The following CALN1 variants were observed in gnomAD, a reference collection of about 807,000 sequenced individuals.
CALN1 encodes the protein calcium-binding protein 8.
Under a neutral mutation model 30.6 loss-of-function variants are expected in CALN1, and 17 were observed. The observed-to-expected ratio is 0.56, with a 90% confidence interval of 0.38 to 0.83. The LOEUF is 0.83. CALN1 is among the 40% of genes least tolerant of loss of function. The pLI is 0.00. For missense variants in CALN1, 291 were observed against 354.9 expected (o/e 0.82, Z 1.45); for synonymous variants, 156 against 131.4 (o/e 1.19, Z -1.28).
intron 4 of CALN1, among the ~76,000 whole-genome samples, chr7:72,074,264 G>A (rs1209965591): frequency 6.6e-6 from 1 of 152,182 alleles, no homozygotes; most frequent in African/African-American, 2.4e-5. Flanking sequence ...TTGGACCCAT[G>A]AACGAAAATG....
chr7:72,422,866 C>T (rs1038422978), intron 1 of CALN1, among the ~76,000 whole-genome samples: 3 of 152,276 alleles, frequency 2.0e-5, no homozygotes, highest in Non-Finnish European at 4.4e-5. Context: ...CATCGGCTCA[C>T]GCCTGTAATC....
At chr7:71,837,500 C>A (rs1279539168) in intron 5 of CALN1, among the ~76,000 whole-genome samples, 1 of 152,130 alleles carries the variant, frequency 6.6e-6, no homozygotes, top group Non-Finnish European at 1.5e-5. Flanking sequence ...GGAGAGATAT[C>A]ACTGAGTTTT....
intron 4 of CALN1, among the ~76,000 whole-genome samples, chr7:72,063,335 C>G (rs922391875): frequency 2.0e-5 from 3 of 152,196 alleles, no homozygotes; most frequent in African/African-American, 7.2e-5. Flanking sequence ...CAAAGCCATA[C>G]AATAATCTTT....
intron 3 of CALN1, among the ~76,000 whole-genome samples, chr7:72,244,374 C>G (rs1795027878): frequency 6.6e-6 from 1 of 152,108 alleles, no homozygotes; most frequent in Admixed American, 6.6e-5. Flanking sequence ...TCCACAAATA[C>G]CATATTAAGT....
intron 5 of CALN1, among the ~76,000 whole-genome samples, chr7:71,973,881 G>A (rs1797973053): frequency 1.3e-5 from 2 of 152,150 alleles, no homozygotes; most frequent in Admixed American, 6.5e-5. Context: ...AATTATCAAT[G>A]TGTCTCAGAG....
intron 6 of CALN1, among the ~76,000 whole-genome samples, chr7:71,804,054 A>G (rs972453799): frequency 2.6e-5 from 4 of 152,126 alleles, no homozygotes; most frequent in African/African-American, 9.7e-5. Context: ...TTTCCCATCA[A>G]AAGTGCCACA....
intron 5 of CALN1, among the ~76,000 whole-genome samples, chr7:71,845,286 T>C (rs1020442225): frequency 4.6e-5 from 7 of 152,258 alleles, no homozygotes; most frequent in Non-Finnish European, 1.5e-5. Context: ...GGAACATCTA[T>C]ACTGACGAAT....
chr7:71,974,846 A>T (rs1016080453), intron 5 of CALN1, among the ~76,000 whole-genome samples: 3 of 152,148 alleles, frequency 2.0e-5, no homozygotes, highest in African/African-American at 7.2e-5. Context: ...GACTGGTGCA[A>T]TTCCGCTCGG....
intron 3 of CALN1, among the ~76,000 whole-genome samples, chr7:72,140,793 G>A (rs1809872433): frequency 6.6e-6 from 1 of 152,220 alleles, no homozygotes; most frequent in Non-Finnish European, 1.5e-5. Context: ...CAACTTCCAG[G>A]ACAGGAGAGA....
upstream of CALN1, among the ~76,000 whole-genome samples, chr7:72,415,002 A>C (rs1469689445): frequency 1.3e-5 from 2 of 152,220 alleles, no homozygotes; most frequent in African/African-American, 4.8e-5. Context: ...TTATAAGAGG[A>C]AGAGAGGGAT....
chr7:72,116,765 CT>C (rs991754547), intron 3 of CALN1, among the ~76,000 whole-genome samples: 1 of 152,164 alleles, frequency 6.6e-6, no homozygotes, highest in Non-Finnish European at 1.5e-5. Context: ...TACCACCCAG[CT>C]ATTGACCAAA....
intron 5 of CALN1, among the ~76,000 whole-genome samples, chr7:71,968,510 A>T (rs184898329): frequency 1.4e-3 from 209 of 151,554 alleles, no homozygotes; most frequent in African/African-American, 4.7e-3. Context: ...GGCTAACTGC[A>T]CCCTCCGCCT....
At chr7:71,994,795 G>C (rs1311083893) in intron 5 of CALN1, among the ~76,000 whole-genome samples, 3 of 151,892 alleles carry the variant, frequency 2.0e-5, no homozygotes, top group Non-Finnish European at 4.4e-5. Flanking sequence ...ACGAAAGATT[G>C]GTTGGACCAG....
At chr7:71,932,741 G>A (rs1156285269) in intron 5 of CALN1, among the ~76,000 whole-genome samples, 2 of 150,964 alleles carry the variant, frequency 1.3e-5, no homozygotes, top group East Asian at 2.0e-4. Context: ...GCATGAACCC[G>A]GGAGGCGGAG....
rs1792694040 is a variant in CALN1, at chr7:71,781,178, T to C, written c.*6597A>G. On this transcript the variant is annotated 3_prime_UTR_variant, in exon 7 of 7. Coordinates refer to ENST00000395275, the MANE Select transcript of CALN1 (RefSeq NM_031468.4). The stretch of plus-strand genomic sequence containing the variant: ...TTCAGACAAAATAGATGGGAGGGCT[T>C]GTCTGGTTTACTTTTCCTCTGGCTT... 6.6e-6 allele frequency: 1 copy of C among 152,216 alleles called. No individual in the cohort carries two copies. Among genetic ancestry groups the C allele is most frequent in the South Asian group, 2.1e-4 (1 of 4,822 alleles). 9.4% of individuals were successfully genotyped at this position (152,216 alleles called of 1,614,324 possible).
At chr7:72,331,241 T>A (rs111445597) in intron 2 of CALN1, among the ~76,000 whole-genome samples, 1 of 151,688 alleles carries the variant, frequency 6.6e-6, no homozygotes, top group African/African-American at 2.4e-5. Context: ...TCCCAGCTAC[T>A]CAAGAGGCGG....
At chr7:71,835,763 A>T (rs566667335) in intron 5 of CALN1, among the ~76,000 whole-genome samples, 1 of 152,198 alleles carries the variant, frequency 6.6e-6, no homozygotes, top group South Asian at 2.1e-4. Flanking sequence ...ACTGTAGAAG[A>T]AACACACCGA....
chr7:71,989,080 T>C (rs1798818742), intron 5 of CALN1, among the ~76,000 whole-genome samples: 1 of 152,154 alleles, frequency 6.6e-6, no homozygotes. Flanking sequence ...CCAGATTTCC[T>C]TGCTAATTTC....
chr7:71,953,125 GTTT>G lies in CALN1; in HGVS notation c.501+70529_501+70531del, dbSNP rs781009727. 6.6e-4 allele frequency among the ~76,000 whole-genome samples: 99 copies of G among 150,922 alleles called. 1 individual carries two copies. Among genetic ancestry groups the G allele is most frequent in the Admixed American group, 5.1e-3 (77 of 15,154 alleles). On this transcript the variant is annotated intron_variant, in intron 5 of 6. Transcript: ENST00000395275. ...GCACGCACCACTACACCCAGCTGCT[GTTT>G]TTAATTTTTTGCAGGAACGGGATCT...
Sources: allele counts gnomAD v4.1 joint callset (sites outside exome capture counted in the v4.1 genomes callset), GRCh38; gene constraint gnomAD v4.1.1; transcripts MANE v1.5; gene names NCBI Gene and HGNC (gene_info 2026-07-23, HGNC 2026-07-21).